Variants in P3H2 observed in about 807,000 individuals in gnomAD.
The protein encoded by P3H2 is prolyl 3-hydroxylase 2, also known as leprecan-like 1.
Under a neutral mutation model 87.0 loss-of-function variants are expected in P3H2, and 80 were observed. The ratio of observed to expected loss-of-function variants is 0.92; its 90% CI spans 0.77 to 1.11. The LOEUF (loss-of-function observed/expected upper bound fraction) is 1.11. Among genes scored for constraint, P3H2 ranks in the 50% least tolerant of loss-of-function variants. The probability of loss-of-function intolerance (pLI) is 0.00; values close to 1 mark genes in which losing one functional copy is unlikely to be tolerated. For synonymous variants in P3H2, 367 were observed against 359.3 expected (o/e 1.02, Z -0.24); for missense variants, 1,001 against 923.9 (o/e 1.08, Z -1.08).
At chr3:189,974,757 C>T in intron 8 of P3H2, 72 bp from the exon 9 acceptor site, 3 of 1,583,364 alleles carry the variant, frequency 1.9e-6, no homozygotes, top group Non-Finnish European at 2.6e-6. Flanking sequence ...TACCAAACAG[C>T]TTTCAATGTG....
At chr3:190,036,961 T>C (rs919816051) in intron 1 of P3H2, among the ~76,000 whole-genome samples, 1 of 152,082 alleles carries the variant, frequency 6.6e-6, no homozygotes, top group Non-Finnish European at 1.5e-5. Context: ...TATATATATT[T>C]ACTTGGTAAT....
At chr3:190,118,585 TCTC>T (rs903058568) in intron 1 of P3H2, among the ~76,000 whole-genome samples, 65 of 151,782 alleles carry the variant, frequency 4.3e-4, no homozygotes, top group African/African-American at 1.5e-3. Context: ...ATTCAGACTT[TCTC>T]CTCATTTCTT....
chr3:190,095,702 G>A (rs1421740303), intron 1 of P3H2, among the ~76,000 whole-genome samples: 2 of 150,204 alleles, frequency 1.3e-5, no homozygotes, highest in Non-Finnish European at 2.9e-5. Flanking sequence ...CCGGGTTCAC[G>A]CCATTCTCCT....
chr3:190,116,654 T>C (rs1199320981), intron 1 of P3H2: 1 of 152,276 alleles, frequency 6.6e-6, no homozygotes, highest in African/African-American at 2.4e-5. Context: ...GTGGATGCTA[T>C]GGTAACCTAT....
chr3:190,114,083 A>C (rs1004577130), intron 1 of P3H2, among the ~76,000 whole-genome samples: 1 of 112,528 alleles, frequency 8.9e-6, no homozygotes, highest in African/African-American at 3.6e-5. Context: ...CCGTCTCAAA[A>C]AAAAAAAAAA....
chr3:190,000,028 G>C (rs76308030), intron 1 of P3H2, among the ~76,000 whole-genome samples: 283 of 152,286 alleles, frequency 1.9e-3, no homozygotes, highest in African/African-American at 6.6e-3. Flanking sequence ...GACACAGAAA[G>C]AGTTTTCCAT....
chr3:190,069,120 T>TA (rs2108971737), intron 1 of P3H2, among the ~76,000 whole-genome samples: 1 of 152,240 alleles, frequency 6.6e-6, no homozygotes, highest in South Asian at 2.1e-4. Context: ...TTTCACATGG[T>TA]AAAGTTCAAT....
chr3:190,039,590 G>C (rs908090677), intron 1 of P3H2, among the ~76,000 whole-genome samples: 1 of 152,220 alleles, frequency 6.6e-6, no homozygotes, highest in East Asian at 1.9e-4. Flanking sequence ...ACTACACAGG[G>C]AACCAGGGAT....
At chr3:189,994,311 A>G in intron 2 of P3H2, 28 bp from the exon 3 acceptor site, 1 of 1,468,598 alleles carries the variant, frequency 6.8e-7, no homozygotes. Context: ...GGAAAAAACA[A>G]ACAAACAAAC....
intron 1 of P3H2, among the ~76,000 whole-genome samples, chr3:190,026,636 C>T (rs1206296941): frequency 2.0e-5 from 3 of 152,166 alleles, no homozygotes; most frequent in Non-Finnish European, 2.9e-5. Context: ...AAATAGGCAA[C>T]CAGCAGCCCT....
chr3:190,025,000 C>T (rs1412059315), intron 1 of P3H2, among the ~76,000 whole-genome samples: 21 of 152,072 alleles, frequency 1.4e-4, no homozygotes, highest in Non-Finnish European at 2.9e-4. Flanking sequence ...AAAAAAAAAG[C>T]CTTTTAAAAA....
At chr3:189,975,320 A>C (rs1163195522) in intron 8 of P3H2, among the ~76,000 whole-genome samples, 1 of 152,174 alleles carries the variant, frequency 6.6e-6, no homozygotes, top group Non-Finnish European at 1.5e-5. Context: ...GAGAGACCAC[A>C]AGTTTATAAA....
intron 1 of P3H2, among the ~76,000 whole-genome samples, chr3:190,047,029 T>C (rs1026433794): frequency 3.4e-5 from 3 of 89,510 alleles, no homozygotes; most frequent in African/African-American, 1.6e-4. Context: ...AGAAACTCAA[T>C]AGCAAACAAA....
intron 1 of P3H2, among the ~76,000 whole-genome samples, chr3:190,057,453 T>C (rs13096237): frequency 0.29 from 44,308 of 152,130 alleles, 6,626 homozygotes; most frequent in Middle Eastern, 0.36. Flanking sequence ...TGAAATTCTC[T>C]GCTCCTTCTC....
At chr3:190,109,351 C>T (rs972857016) in intron 1 of P3H2, among the ~76,000 whole-genome samples, 3 of 152,162 alleles carry the variant, frequency 2.0e-5, no homozygotes, top group Non-Finnish European at 4.4e-5. Flanking sequence ...ATTTCCCCCA[C>T]TTCCCAGCCT....
rs147237980 is a variant in P3H2, at chr3:190,069,864, G to A, written c.480+50388C>T. Among the ~76,000 whole-genome samples, 534 of 152,302 alleles carry A rather than the reference G, an allele frequency of 3.5e-3. 2 individuals carry two copies. Among genetic ancestry groups the A allele is most frequent in the African/African-American group, 0.012 (502 of 41,570 alleles). On this transcript the variant is annotated intron_variant, in intron 1 of 14. Coordinates refer to ENST00000319332, the MANE Select transcript of P3H2 (RefSeq NM_018192.4). ...TTATGAGTGACATTTCAGAGCAGTG[G>A]TGTAGATGGAAATCCAATTAGCATG...
chr3:190,035,556 C>CT (rs1725392868), intron 1 of P3H2, among the ~76,000 whole-genome samples: 1 of 152,126 alleles, frequency 6.6e-6, no homozygotes, highest in Non-Finnish European at 1.5e-5. Flanking sequence ...TTGTCACTCC[C>CT]TTTTAATCTA....
Position 189,957,434 on chromosome 3 carries a change from A to C in P3H2, c.*478T>G, listed in dbSNP as rs1577237544. 1 of 343,562 alleles carries C rather than the reference A, an allele frequency of 2.9e-6. No individual in the cohort carries two copies. Among genetic ancestry groups the C allele is most frequent in the Non-Finnish European group, 5.0e-6 (1 of 198,834 alleles). 21.3% of individuals were successfully genotyped at this position (343,562 alleles called of 1,614,324 possible). On this transcript the variant is annotated 3_prime_UTR_variant, in exon 15 of 15. Coordinates refer to ENST00000319332, the MANE Select transcript of P3H2 (RefSeq NM_018192.4). ...CTCTCTAAGCTTTTGAATTTGCAGC[A>C]ACTTAATTGTGTGTGTGTGTGTGTG...
chr3:190,045,290 G>A (rs1725765295), intron 1 of P3H2, among the ~76,000 whole-genome samples: 1 of 152,170 alleles, frequency 6.6e-6, no homozygotes, highest in Admixed American at 6.5e-5. Context: ...GAAAATTAAT[G>A]CAATTGTGTG....
Sources: gnomAD v4.1 joint callset for allele counts (sites outside exome capture counted in the v4.1 genomes callset) on GRCh38, gnomAD v4.1.1 for gene constraint, MANE v1.5 for transcripts, NCBI Gene and HGNC (gene_info 2026-07-23, HGNC 2026-07-21) for gene names.